SEMA6D: variants seen among roughly 807,000 people sequenced by gnomAD.
The protein encoded by SEMA6D is semaphorin 6D.
SEMA6D carries 35 observed loss-of-function variants against 106.6 expected under a neutral mutation model. That is an observed-to-expected ratio of 0.33 (90% confidence interval 0.25 to 0.44). The LOEUF (loss-of-function observed/expected upper bound fraction) is 0.44. Ranked by LOEUF, SEMA6D falls within the 20% of genes least tolerant of loss-of-function variation. The pLI, the probability that SEMA6D is intolerant of heterozygous loss-of-function variation, is 1.00. For missense variants in SEMA6D, 1,185 were observed against 1,345.9 expected, an observed-to-expected ratio of 0.88 and a Z score of 1.87; for synonymous variants, 499 against 487.7, an observed-to-expected ratio of 1.02 and a Z score of -0.31.
At chr15:47,689,723 C>A (rs559017390) in intron 4 of SEMA6D, among the ~76,000 whole-genome samples, 1 of 152,208 alleles carries the variant, frequency 6.6e-6, no homozygotes, top group African/African-American at 2.4e-5. Context: ...AGATGCCCTG[C>A]CAACACACTG....
intron 1 of SEMA6D, among the ~76,000 whole-genome samples, chr15:47,214,070 C>T (rs551267709): frequency 1.1e-4 from 17 of 152,146 alleles, no homozygotes; most frequent in African/African-American, 3.9e-4. Context: ...CCATGTGTGT[C>T]AGCATGGAGA....
rs3743273 is a variant in SEMA6D at position 47,757,365 on chromosome 15, T to C, written c.-54-2380T>C. On this transcript the variant is annotated intron_variant, in intron 1 of 18. Coordinates refer to ENST00000536845, the MANE Select transcript of SEMA6D (RefSeq NM_001358351.3). ...GTGATTTTCTATCTAGAGGATGATA[T>C]TTGGGACTGGTGTCAAAGCAGGATC... Among the ~76,000 whole-genome samples the C allele has an allele frequency of 3.5e-4, 53 of 152,340 alleles. 1 individual carries two copies. In the East Asian group the frequency reaches 9.1e-3, roughly 26 times the overall value.
Position 47,768,698 on chromosome 15 carries a change from A to G in SEMA6D, c.1883A>G (p.Asp628Gly). ...AGCTCTCGGAAATTTGTAGTTCAAG[A>G]TGATCCAAACACTTCTGATTTTACT... ...LTSSRKFVVQ[D>G]DPNTSDFTDP... The change falls in exon 18 of 19, where the codon GAT becomes GGT. Residue 628 changes from aspartate (D) to glycine (G), a missense_variant. Physicochemically the swap from Asp to Gly is moderately conservative, Grantham distance 94 (BLOSUM62 -1). Around this residue, in one of 3 missense-constraint regions of SEMA6D, gnomAD observed 750 missense variants for 783.5 expected, o/e 0.96. Transcript: ENST00000536845. 1.9e-6 allele frequency: 3 copies of G among 1,613,658 alleles called. No homozygotes were observed. The highest frequency in any genetic ancestry group is 1.7e-6 in the Non-Finnish European group (2 of 1,179,654).
At chr15:47,768,497 C>G in intron 17 of SEMA6D, 84 bp from the exon 18 acceptor site, 3 of 1,193,060 alleles carry the variant, frequency 2.5e-6, no homozygotes, top group Non-Finnish European at 3.4e-6. Context: ...AAAATTTACT[C>G]AAACTTTATT....
intron 4 of SEMA6D, among the ~76,000 whole-genome samples, chr15:47,614,963 G>T (rs1561042): frequency 6.6e-6 from 1 of 151,880 alleles, no homozygotes; most frequent in Non-Finnish European, 1.5e-5. Context: ...TTTTATTATT[G>T]TTTCCTCCAT....
chr15:47,350,603 C>T (rs559102518), intron 1 of SEMA6D, among the ~76,000 whole-genome samples: 3 of 152,204 alleles, frequency 2.0e-5, no homozygotes, highest in African/African-American at 7.2e-5. Context: ...GCGGAGGAGA[C>T]AAAAATCCAG....
chr15:47,253,813 C>T (rs1238972257), intron 1 of SEMA6D, among the ~76,000 whole-genome samples: 1 of 151,944 alleles, frequency 6.6e-6, no homozygotes, highest in Non-Finnish European at 1.5e-5. Flanking sequence ...TTCTTTTGTT[C>T]AAGATTGCTT....
At chr15:47,597,848 C>CATAT (rs537801158) in intron 3 of SEMA6D, among the ~76,000 whole-genome samples, 2 of 148,750 alleles carry the variant, frequency 1.3e-5, no homozygotes, top group African/African-American at 4.9e-5. Context: ...ATCATTCATA[C>CATAT]ATATATATAT....
intron 3 of SEMA6D, among the ~76,000 whole-genome samples, chr15:47,524,469 A>G (rs1003912082): frequency 6.6e-6 from 1 of 152,174 alleles, no homozygotes; most frequent in Non-Finnish European, 1.5e-5. Flanking sequence ...AAAACACAAC[A>G]AATTAATGAG....
intron 1 of SEMA6D, among the ~76,000 whole-genome samples, chr15:47,196,538 G>C (rs900730312): frequency 2.6e-5 from 4 of 152,140 alleles, no homozygotes; most frequent in African/African-American, 7.2e-5. Context: ...TTGGTTTGCT[G>C]TATGTTCCAT....
At chr15:47,705,163 G>T (rs1224655) in intron 4 of SEMA6D, among the ~76,000 whole-genome samples, 49,632 of 151,884 alleles carry the variant, frequency 0.33, 8,965 homozygotes, top group Middle Eastern at 0.45. Flanking sequence ...CCCAACAGTG[G>T]GGCAGGAGAG....
intron 1 of SEMA6D, among the ~76,000 whole-genome samples, chr15:47,397,195 C>CTG (rs2040238728): frequency 6.6e-6 from 1 of 152,180 alleles, no homozygotes; most frequent in Non-Finnish European, 1.5e-5. Flanking sequence ...TCTTAGACAT[C>CTG]TGTGTAGACA....
At chr15:47,432,562 CGCATATGTATAT>C (rs2041569325) in intron 2 of SEMA6D, among the ~76,000 whole-genome samples, 1 of 43,260 alleles carries the variant, frequency 2.3e-5, no homozygotes, top group African/African-American at 7.3e-5. Context: ...TATACATATA[CGCATATGTATAT>C]ACATATACAG....
chr15:47,500,738 G>A (rs1234676925), intron 3 of SEMA6D, among the ~76,000 whole-genome samples: 1 of 152,046 alleles, frequency 6.6e-6, no homozygotes, highest in Non-Finnish European at 1.5e-5. Flanking sequence ...TATTTCAAAG[G>A]CTTTCCTTTA....
chr15:47,760,431 T>A lies in SEMA6D; in HGVS notation c.221+16T>A. ...TTGCTGGCAGGTAATTTTCCTCTCATTGGTTTATTAGATTAAAATTCTTTT... is the reference window on the plus strand; with the variant it reads ...TTGCTGGCAGGTAATTTTCCTCTCAATGGTTTATTAGATTAAAATTCTTTT... On this transcript the variant is annotated intron_variant, in intron 3 of 18. Transcript: ENST00000536845. 1.9e-6 allele frequency: 3 copies of A among 1,586,032 alleles called. No homozygotes were observed. Among genetic ancestry groups the A allele is most frequent in the Non-Finnish European group, 2.6e-6 (3 of 1,155,374 alleles).
chr15:47,642,586 A>G (rs1386902888), intron 4 of SEMA6D, among the ~76,000 whole-genome samples: 2 of 152,120 alleles, frequency 1.3e-5, no homozygotes, highest in Non-Finnish European at 2.9e-5. Context: ...TCTAGATAGG[A>G]GCAATGTAGG....
intron 3 of SEMA6D, among the ~76,000 whole-genome samples, chr15:47,578,863 G>A (rs1429749280): frequency 3.3e-5 from 5 of 152,082 alleles, no homozygotes; most frequent in Non-Finnish European, 7.4e-5. Flanking sequence ...TTGGGATTAA[G>A]GATACTTGTC....
chr15:47,766,578 C>A, intron 15 of SEMA6D, 38 bp from the exon 16 acceptor site: 1 of 1,607,156 alleles, frequency 6.2e-7, no homozygotes, highest in Non-Finnish European at 8.5e-7. Flanking sequence ...CCTATGAAGG[C>A]TGTTAACCGA....
chr15:47,570,061 CA>C lies in SEMA6D; in HGVS notation c.-86-30792del, dbSNP rs565055320. 8.8e-3 allele frequency among the ~76,000 whole-genome samples: 1,241 copies of C among 140,548 alleles called. 9 individuals are homozygous for C. The highest frequency in any genetic ancestry group is 0.029 in the African/African-American group (1,106 of 38,120). The allele number at this position is 140,548 out of a possible 152,430, so 92.2% of individuals were successfully genotyped here. ...CGGGCAACAGAGGGAGACTCCATCT[CA>C]AAAAAAAAAAAGATTTGAAATTTCT... is the stretch of plus-strand genomic sequence containing the variant. On this transcript the variant is annotated intron_variant, in intron 3 of 19. Coordinates refer to the SEMA6D transcript ENST00000558014.
Sources: gnomAD v4.1 joint callset for allele counts (sites outside exome capture counted in the v4.1 genomes callset) on GRCh38, gnomAD v4.1.1 for gene constraint, gnomAD v4.1.1 regional missense constraint, MANE v1.5 for transcripts, NCBI Gene and HGNC (gene_info 2026-07-23, HGNC 2026-07-21) for gene names.